The following MMP26 variants were observed in gnomAD, a reference collection of about 807,000 sequenced individuals.
MMP26 encodes matrix metallopeptidase 26, also known as matrix metalloproteinase-26.
Under a neutral mutation model 31.0 loss-of-function variants are expected in MMP26, and 33 were observed. That is an observed-to-expected ratio of 1.06 (90% CI 0.81 to 1.42). The LOEUF is 1.42. MMP26 is among the 40% of genes most tolerant of loss of function. The pLI is 0.00. For missense variants in MMP26, 347 were observed against 316.1 expected (o/e 1.10, Z -0.74); for synonymous variants, 122 against 114.9 (o/e 1.06, Z -0.40).
intron 2 of MMP26, among the ~76,000 whole-genome samples, chr11:4,802,802 T>C (rs1354270641): frequency 3.3e-5 from 5 of 152,186 alleles, no homozygotes; most frequent in Non-Finnish European, 7.4e-5. Context: ...GCGATAGTTT[T>C]TCTTTTCAAT....
At chr11:4,707,543 C>T (rs903255401) in intron 1 of MMP26, among the ~76,000 whole-genome samples, 10 of 152,120 alleles carry the variant, frequency 6.6e-5, no homozygotes, top group African/African-American at 2.2e-4. Context: ...ACCTTGAGGT[C>T]ATTACTTGCT....
At chr11:4,821,474 G>C in intron 2 of MMP26, 1 of 1,613,332 alleles carries the variant, frequency 6.2e-7, no homozygotes, top group Non-Finnish European at 8.5e-7. Context: ...CTCCTGATGG[G>C]CATTCCAGGC....
At chr11:4,732,175 T>G (rs1377159218) in intron 1 of MMP26, among the ~76,000 whole-genome samples, 1 of 152,186 alleles carries the variant, frequency 6.6e-6, no homozygotes, top group East Asian at 1.9e-4. Context: ...CCACTTCTCG[T>G]TCGATATTCT....
chr11:4,811,622 G>T (rs1271108824), intron 2 of MMP26, among the ~76,000 whole-genome samples: 1 of 151,868 alleles, frequency 6.6e-6, no homozygotes, highest in African/African-American at 2.4e-5. Context: ...TTAGTATATT[G>T]GAAGCAGAAT....
intron 2 of MMP26, chr11:4,915,739 C>T: frequency 7.4e-6 from 7 of 947,720 alleles, no homozygotes; most frequent in African/African-American, 5.0e-5. Flanking sequence ...GGTGATTGCA[C>T]CTGGTGGAAA....
At chr11:4,792,561 T>C (rs1055364386) in intron 2 of MMP26, among the ~76,000 whole-genome samples, 6 of 152,214 alleles carry the variant, frequency 3.9e-5, no homozygotes, top group Admixed American at 3.9e-4. Context: ...ATATCCATTT[T>C]CACTGTCTTG....
intron 2 of MMP26, among the ~76,000 whole-genome samples, chr11:4,870,042 T>G (rs1850290201): frequency 6.6e-6 from 1 of 151,716 alleles, no homozygotes; most frequent in Admixed American, 6.6e-5. Flanking sequence ...TGGACACAGG[T>G]TGGGGAACAT....
At chr11:4,722,525 G>GA (rs373387254) in intron 1 of MMP26, among the ~76,000 whole-genome samples, 6,126 of 100,272 alleles carry the variant, frequency 0.061, 345 homozygotes, top group African/African-American at 0.16. Flanking sequence ...TTTAGGACAG[G>GA]AAAAAAAAAA....
intron 2 of MMP26, among the ~76,000 whole-genome samples, chr11:4,778,488 C>G (rs577285778): frequency 2.0e-5 from 3 of 152,130 alleles, no homozygotes; most frequent in Admixed American, 2.0e-4. Context: ...TCCCATTTGC[C>G]TATGTGTCTT....
chr11:4,923,507 A>G (rs1376358564), intron 2 of MMP26: 2 of 1,614,082 alleles, frequency 1.2e-6, no homozygotes, highest in African/African-American at 1.3e-5. Flanking sequence ...CACATAGGAC[A>G]TGAAGAGGTG....
At chr11:4,792,532 G>A (rs942128228) in intron 2 of MMP26, among the ~76,000 whole-genome samples, 32 of 152,158 alleles carry the variant, frequency 2.1e-4, no homozygotes, top group African/African-American at 6.5e-4. Flanking sequence ...GTTGTCCTGA[G>A]GAAAGAATGA....
intron 2 of MMP26, chr11:4,907,864 AT>A (rs1385111546): frequency 6.2e-7 from 1 of 1,613,874 alleles, no homozygotes; most frequent in African/African-American, 1.3e-5. Context: ...CCTTAAGGAG[AT>A]TAAAATATTG....
chr11:4,723,637 A>G (rs1364287628), intron 1 of MMP26: 8 of 869,804 alleles, frequency 9.2e-6, no homozygotes, highest in East Asian at 4.8e-5. Flanking sequence ...ACACTTATTG[A>G]TCTCATCCTC....
chr11:4,913,161 A>C (rs1851017759), intron 2 of MMP26: 1 of 152,166 alleles, frequency 6.6e-6, no homozygotes, highest in Non-Finnish European at 1.5e-5. Flanking sequence ...GCTCTTTTAA[A>C]CTGGGTTCTG....
intron 2 of MMP26, among the ~76,000 whole-genome samples, chr11:4,888,303 C>G (rs539694982): frequency 6.6e-6 from 1 of 152,010 alleles, no homozygotes; most frequent in East Asian, 1.9e-4. Context: ...TTTGAGGTAA[C>G]CAAACATCTT....
intron 2 of MMP26, among the ~76,000 whole-genome samples, chr11:4,966,968 T>C (rs1846603944): frequency 6.6e-6 from 1 of 152,124 alleles, no homozygotes; most frequent in Non-Finnish European, 1.5e-5. Flanking sequence ...TGACTAAAGG[T>C]TTTGTTTGCA....
intron 2 of MMP26, among the ~76,000 whole-genome samples, chr11:4,837,734 T>C (rs1037872996): frequency 6.6e-5 from 10 of 152,092 alleles, no homozygotes. Flanking sequence ...TTGAAGGTTC[T>C]GACAGAATTG....
chr11:4,924,385 T>TCCTG (rs1851238854), intron 2 of MMP26: 1 of 1,533,140 alleles, frequency 6.5e-7, no homozygotes, highest in East Asian at 2.3e-5. Flanking sequence ...AGAATGAGAT[T>TCCTG]CCTGGAAAGT....
chr11:4,746,497 G>C (rs934598270), intron 1 of MMP26, among the ~76,000 whole-genome samples: 2 of 152,270 alleles, frequency 1.3e-5, no homozygotes, highest in South Asian at 4.1e-4. Flanking sequence ...CTCACTACTT[G>C]ATTTACAGTA....
Sources: allele counts gnomAD v4.1 joint callset (sites outside exome capture counted in the v4.1 genomes callset), GRCh38; gene constraint gnomAD v4.1.1; transcripts MANE v1.5; gene names NCBI Gene and HGNC (gene_info 2026-07-23, HGNC 2026-07-21).